ANO3: variants seen among roughly 807,000 people sequenced by gnomAD.
ANO3 encodes the protein anoctamin 3, also known as anoctamin-3.
Under a neutral mutation model 144.8 loss-of-function variants are expected in ANO3, and 99 were observed. That is an observed-to-expected ratio of 0.68 (90% CI 0.58 to 0.81). ANO3 has a LOEUF of 0.81. ANO3 is among the 30% of genes least tolerant of loss of function. The pLI is 0.00. For synonymous variants in ANO3, 414 were observed against 392.6 expected, an observed-to-expected ratio of 1.05 and a Z score of -0.64; for missense variants, 905 against 1,202.2, an observed-to-expected ratio of 0.75 and a Z score of 3.66.
chr11:26,322,121 C>A (rs546422004), intron 1 of ANO3, among the ~76,000 whole-genome samples: 1 of 151,880 alleles, frequency 6.6e-6, no homozygotes, highest in African/African-American at 2.4e-5. Flanking sequence ...GTTTATGTAC[C>A]GCATTTTTTT....
chr11:26,535,862 T>G (rs1012895877), intron 9 of ANO3, among the ~76,000 whole-genome samples: 1 of 151,618 alleles, frequency 6.6e-6, no homozygotes, highest in Admixed American at 6.6e-5. Context: ...GGATTACAGG[T>G]GTGAGCCACT....
At chr11:26,553,732 C>T (rs1025182523) in intron 13 of ANO3, among the ~76,000 whole-genome samples, 1 of 151,978 alleles carries the variant, frequency 6.6e-6, no homozygotes, top group Non-Finnish European at 1.5e-5. Flanking sequence ...TTCAAAAAAT[C>T]CCCAAATTGC....
In ANO3 at chr11:26,212,142, G is replaced by A. The variant is rs192644519; in HGVS notation, c.154+22812G>A. Among the ~76,000 whole-genome samples the A allele has an allele frequency of 1.3e-3, 201 of 151,960 alleles. 1 individual carries two copies. Among genetic ancestry groups the A allele is most frequent in the African/African-American group, 4.7e-3 (196 of 41,448 alleles). On this transcript the variant is annotated intron_variant, in intron 1 of 27. Transcript: ENST00000672621. Reference sequence around the variant, plus strand: ...TTGATGGGTGCAGCAAACCACAATGGCACGTGTATACCTATGTAACAAAAC... The same window carrying A: ...TTGATGGGTGCAGCAAACCACAATGACACGTGTATACCTATGTAACAAAAC...
chr11:26,277,784 C>A (rs1272572814), intron 1 of ANO3, among the ~76,000 whole-genome samples: 1 of 151,572 alleles, frequency 6.6e-6, no homozygotes, highest in Non-Finnish European at 1.5e-5. Context: ...CTACTTGTAC[C>A]TTGAACTTCA....
chr11:26,488,540 G>A (rs566904751), intron 4 of ANO3, among the ~76,000 whole-genome samples: 17 of 152,170 alleles, frequency 1.1e-4, no homozygotes, highest in East Asian at 5.8e-4. Flanking sequence ...AGATGCCTCC[G>A]GACTTTCTTC....
chr11:26,430,047 C>T (rs913293868), intron 1 of ANO3, among the ~76,000 whole-genome samples: 4 of 152,040 alleles, frequency 2.6e-5, no homozygotes, highest in East Asian at 1.9e-4. Flanking sequence ...AGATCGAGAA[C>T]ATCCTGGCCA....
chr11:26,337,950 T>A (rs1564971444), intron 1 of ANO3, among the ~76,000 whole-genome samples: 1 of 151,246 alleles, frequency 6.6e-6, no homozygotes, highest in Non-Finnish European at 1.5e-5. Flanking sequence ...AAAAAAAAAA[T>A]TATGGCTTAA....
intron 1 of ANO3, among the ~76,000 whole-genome samples, chr11:26,214,312 G>A (rs1218259584): frequency 6.6e-6 from 1 of 151,800 alleles, no homozygotes; most frequent in Non-Finnish European, 1.5e-5. Context: ...TATTAGTGTA[G>A]GGTAGGATGG....
At chr11:26,586,947 A>G (rs548294077) in intron 14 of ANO3, among the ~76,000 whole-genome samples, 1 of 152,242 alleles carries the variant, frequency 6.6e-6, no homozygotes, top group Non-Finnish European at 1.5e-5. Flanking sequence ...AAAGTCATAG[A>G]TTCGTAGAGT....
intron 5 of ANO3, among the ~76,000 whole-genome samples, chr11:26,513,682 T>C (rs946589469): frequency 6.6e-6 from 1 of 152,168 alleles, no homozygotes; most frequent in Admixed American, 6.5e-5. Flanking sequence ...AAATTATTTC[T>C]TGTCCCAAGA....
chr11:26,529,549 T>C (rs1253076319), intron 7 of ANO3, among the ~76,000 whole-genome samples: 1 of 140,940 alleles, frequency 7.1e-6, no homozygotes, highest in Non-Finnish European at 1.5e-5. Flanking sequence ...GCTATACTAA[T>C]TTTTTTTCTG....
intron 1 of ANO3, among the ~76,000 whole-genome samples, chr11:26,261,629 CTT>C (rs1853191551): frequency 6.6e-6 from 1 of 152,224 alleles, no homozygotes; most frequent in African/African-American, 2.4e-5. Flanking sequence ...ATGCATCACA[CTT>C]TATTCCACAA....
intron 1 of ANO3, among the ~76,000 whole-genome samples, chr11:26,375,861 C>A (rs1377484699): frequency 6.6e-6 from 1 of 152,060 alleles, no homozygotes; most frequent in African/African-American, 2.4e-5. Context: ...GCAGCAGCAA[C>A]AACAACAAAA....
upstream of ANO3, among the ~76,000 whole-genome samples, chr11:26,328,553 C>T (rs1044351885): frequency 1.1e-4 from 17 of 152,216 alleles, no homozygotes; most frequent in African/African-American, 2.9e-4. Flanking sequence ...GGACCTATTT[C>T]GAAATTCAAA....
upstream of ANO3, among the ~76,000 whole-genome samples, chr11:26,306,225 C>T (rs576607810): frequency 2.6e-5 from 4 of 151,542 alleles, no homozygotes; most frequent in African/African-American, 4.8e-5. Context: ...CAGCCCGCCT[C>T]GGCCTCCCAA....
At chr11:26,477,228 C>G (rs1191428625) in intron 4 of ANO3, among the ~76,000 whole-genome samples, 1 of 151,990 alleles carries the variant, frequency 6.6e-6, no homozygotes, top group African/African-American at 2.4e-5. Flanking sequence ...GGACAGTAAA[C>G]ATAGGAGCTT....
intron 7 of ANO3, 37 bp downstream of exon 7, chr11:26,525,716 TGTC>T: frequency 1.9e-6 from 3 of 1,557,768 alleles, no homozygotes; most frequent in Non-Finnish European, 2.6e-6. Context: ...ATAACAAATT[TGTC>T]GTTTTGAAAA....
intron 1 of ANO3, among the ~76,000 whole-genome samples, chr11:26,422,565 T>C (rs1453830876): frequency 3.9e-5 from 6 of 152,044 alleles, no homozygotes; most frequent in Non-Finnish European, 7.4e-5. Flanking sequence ...CTGTTCTGCA[T>C]GTAAGAAAGG....
intron 1 of ANO3, among the ~76,000 whole-genome samples, chr11:26,367,232 C>G (rs952387205): frequency 3.3e-5 from 5 of 152,246 alleles, no homozygotes; most frequent in African/African-American, 9.6e-5. Context: ...CATGGCAAGG[C>G]TGCAAATTTT....
Sources: gnomAD v4.1 joint callset for allele counts (sites outside exome capture counted in the v4.1 genomes callset) on GRCh38, gnomAD v4.1.1 for gene constraint, MANE v1.5 for transcripts, NCBI Gene and HGNC (gene_info 2026-07-23, HGNC 2026-07-21) for gene names.